The following EXOC7 variants were observed in gnomAD, a reference collection of about 807,000 sequenced individuals.
The protein encoded by EXOC7 is exocyst complex component 7, also known as exocyst complex component Exo70.
A neutral mutation model predicts 87.6 loss-of-function variants in EXOC7; 51 were observed. That is an observed-to-expected ratio of 0.58 (90% CI 0.46 to 0.73). The LOEUF is 0.73. Ranked by LOEUF, EXOC7 falls within the 30% of genes least tolerant of loss-of-function variation. The probability of loss-of-function intolerance (pLI) is 0.00; values close to 1 mark genes in which losing one functional copy is unlikely to be tolerated. For missense variants in EXOC7, 744 were observed against 888.4 expected, an observed-to-expected ratio of 0.84 and a Z score of 2.07; for synonymous variants, 327 against 357.1, an observed-to-expected ratio of 0.92 and a Z score of 0.95.
intron 5 of EXOC7, among the ~76,000 whole-genome samples, chr17:76,095,198 A>G (rs971847943): frequency 1.3e-5 from 2 of 150,066 alleles, no homozygotes; most frequent in Admixed American, 1.3e-4. Context: ...CTGACCTCAA[A>G]TGATTCACCA....
chr17:76,087,979 C>T (rs1470646241), intron 11 of EXOC7, 81 bp downstream of exon 11: 25 of 1,512,522 alleles, frequency 1.7e-5, no homozygotes, highest in Non-Finnish European at 2.1e-5. Flanking sequence ...GAGTCCCTTC[C>T]ACCAGTACTC....
At chr17:76,102,337 G>T (rs551864788) in intron 2 of EXOC7, among the ~76,000 whole-genome samples, 2 of 152,258 alleles carry the variant, frequency 1.3e-5, no homozygotes, top group South Asian at 4.1e-4. Flanking sequence ...GAATTTGGGA[G>T]GCTGAGGCGG....
intron 14 of EXOC7, 25 bp from the exon 15 acceptor site, chr17:76,085,434 AGAG>A (rs1488044277): frequency 6.3e-7 from 1 of 1,594,506 alleles, no homozygotes; most frequent in South Asian, 1.1e-5. Flanking sequence ...GGGACAGAGG[AGAG>A]GAGGACAGGA....
rs747010295 is a variant in EXOC7, at chr17:76,085,351, C to T, written c.1675G>A (p.Glu559Lys). The T allele has an allele frequency of 1.2e-6, 2 of 1,609,278 alleles. No individual in the cohort carries two copies. The highest frequency in any genetic ancestry group is 2.2e-5 in the East Asian group (1 of 44,782). ...TQKTAERSYR[E>K]HIEQQIQTYQ... ...GTCTGGATCTGCTGCTCAATGTGCT[C>T]CCGGTAGGAGCGCTCAGCAGTCTTC... Residue 559 changes from glutamate (E) to lysine (K), a missense_variant, in exon 15 of 19, where the codon GAG becomes AAG. This residue lies in a region of EXOC7 where 228 missense variants were observed against 298.6 expected (regional missense o/e 0.76). Transcript: ENST00000589210.
At chr17:76,085,919 A>G in intron 13 of EXOC7, 122 bp from the exon 14 acceptor site, 1 of 1,522,762 alleles carries the variant, frequency 6.6e-7, no homozygotes, top group Non-Finnish European at 8.9e-7. Context: ...GCCTTAGCCC[A>G]ACTCCCCTCA....
intron 4 of EXOC7, among the ~76,000 whole-genome samples, chr17:76,100,779 G>C (rs181304423): frequency 2.3e-4 from 35 of 152,240 alleles, no homozygotes; most frequent in Admixed American, 5.2e-4. Context: ...TCAGGAGTTC[G>C]AGACCAGTCT....
chr17:76,097,899 A>T lies in EXOC7; in HGVS notation c.537T>A (p.Asp179Glu). 1 of 1,613,912 alleles carries T rather than the reference A, an allele frequency of 6.2e-7. No homozygotes were observed. The change falls in exon 5 of 19, where the codon GAT becomes GAA. Residue 179 changes from aspartate (D) to glutamate (E), a missense_variant. Physicochemically the swap from Asp to Glu is conservative, Grantham distance 45. Around this residue, in one of 3 missense-constraint regions of EXOC7, gnomAD observed 512 missense variants for 573.0 expected, o/e 0.89. Transcript: ENST00000589210. ...LILDLISGDD[D>E]LEAQEDVTLE... ...GGGTCACGTCCTCCTGGGCCTCCAG[A>T]TCATCGTCACCACTGATCAGATCCA...
Position 76,084,231 on chromosome 17 carries a change from A to T in EXOC7, c.1818+17T>A, listed in dbSNP as rs772565117. On this transcript the variant is annotated intron_variant, in intron 17 of 18. Coordinates refer to ENST00000589210, the MANE Select transcript of EXOC7 (RefSeq NM_001013839.4). The stretch of plus-strand genomic sequence containing the variant: ...ACAGCAGCAGCAAGCAGTGGAGGGG[A>T]GAGGACCCCGACTCACCTTAAAACG... 2.5e-6 allele frequency: 4 copies of T among 1,610,124 alleles called. No individual in the cohort carries two copies. In the Middle Eastern group the frequency reaches 5.0e-4, roughly 200 times the overall value.
Position 76,081,774 on chromosome 17 carries a change from C to A in EXOC7, c.*1874G>T. The A allele has an allele frequency of 6.2e-7, 1 of 1,613,920 alleles. No individual in the cohort carries two copies. Among genetic ancestry groups the A allele is most frequent in the Non-Finnish European group, 8.5e-7 (1 of 1,179,884 alleles). ...CTGCTCAGTAAGCCCTGCTCCCTTA[C>A]CCAGTCTGCCCTGTTTCTCCCCGGT... On this transcript the variant is annotated 3_prime_UTR_variant, in exon 19 of 19. Transcript: ENST00000589210.
chr17:76,100,884 G>A (rs1400377994), intron 4 of EXOC7: 1 of 153,234 alleles, frequency 6.5e-6, no homozygotes, highest in Non-Finnish European at 1.4e-5. Context: ...GGGAGGCTGA[G>A]GTGGGAGAAT....
rs139735832 is a variant in EXOC7, at chr17:76,089,046, G to A, written c.1048-123C>T. 7,145 of 1,483,332 alleles carry A rather than the reference G, an allele frequency of 4.8e-3. 45 individuals are homozygous for A. The highest frequency in any genetic ancestry group is 0.023 in the Middle Eastern group (117 of 5,122). The allele number at this position is 1,483,332 out of a possible 1,614,324, so 91.9% of individuals were successfully genotyped here. On this transcript the variant is annotated intron_variant, in intron 8 of 18. Coordinates refer to ENST00000589210, the MANE Select transcript of EXOC7 (RefSeq NM_001013839.4). The stretch of plus-strand genomic sequence containing the variant: ...CAGGAAGAGGGGTGACGGGGAGGTG[G>A]TGAGCGTCCACCCAGGACCGGTCCC...
In EXOC7 at chr17:76,085,429, AGAG is replaced by A; in HGVS notation, c.1617-23_1617-21del. The A allele has an allele frequency of 1.3e-6, 2 of 1,598,566 alleles. No individual in the cohort carries two copies. Among genetic ancestry groups the A allele is most frequent in the Non-Finnish European group, 1.7e-6 (2 of 1,173,638 alleles). On this transcript the variant is annotated intron_variant, in intron 14 of 18. Coordinates refer to ENST00000589210, the MANE Select transcript of EXOC7 (RefSeq NM_001013839.4). ...TCAGACCTGGGTCGGGGTAGGGGAC[AGAG>A]GAGAGGAGGACAGGATTGGCTCCTC...
intron 4 of EXOC7, among the ~76,000 whole-genome samples, chr17:76,100,288 A>G (rs925766383): frequency 2.0e-4 from 30 of 152,126 alleles, no homozygotes; most frequent in African/African-American, 7.0e-4. Flanking sequence ...TGATGGCTAC[A>G]TAACATTGTG....
intron 2 of EXOC7, 131 bp downstream of exon 2, chr17:76,103,230 T>G: frequency 1.3e-6 from 1 of 795,660 alleles, no homozygotes; most frequent in East Asian, 2.7e-5. Context: ...TGTTGCTAGA[T>G]AAACCCACAC....
At position 76,089,357 on chromosome 17, in the gene EXOC7, G is replaced by A. The variant is rs111311800; in HGVS notation, c.902-37C>T. The A allele has an allele frequency of 1.7e-4, 267 of 1,607,694 alleles. 3 individuals carry two copies. The African/African-American group carries it at 3.0e-3, about 18-fold the overall frequency. ...CACAACTCTTGAGCTGCTGGTCTGG[G>A]GCCAGCCACACTCCTGGCTGGGGGC... is the stretch of plus-strand genomic sequence containing the variant. On this transcript the variant is annotated intron_variant, in intron 7 of 18. Transcript: ENST00000589210.
intron 6 of EXOC7, 21 bp downstream of exon 6, chr17:76,094,393 T>C (rs1288176185): frequency 6.2e-7 from 1 of 1,604,606 alleles, no homozygotes; most frequent in Non-Finnish European, 8.5e-7. Flanking sequence ...GTTGCAGAGA[T>C]GGGCCAGGAT....
At chr17:76,084,759 T>G (rs1465180559) in intron 15 of EXOC7, 179 bp from the exon 16 acceptor site, 1 of 607,872 alleles carries the variant, frequency 1.6e-6, no homozygotes, top group East Asian at 2.8e-5. Context: ...ACTGGTCACT[T>G]TTTGAGATAA....
In EXOC7 at chr17:76,089,366, C is replaced by T. The variant is rs375045917; in HGVS notation, c.902-46G>A. The T allele has an allele frequency of 3.5e-5, 56 of 1,605,192 alleles. No individual in the cohort carries two copies. The African/African-American group carries it at 7.2e-4, about 21-fold the overall frequency. ...TGAGCTGCTGGTCTGGGGCCAGCCA[C>T]ACTCCTGGCTGGGGGCGGCGTGGGT... On this transcript the variant is annotated intron_variant, in intron 7 of 18. Transcript: ENST00000589210.
At chr17:76,084,832 A>C in intron 15 of EXOC7, 1 of 544,266 alleles carries the variant, frequency 1.8e-6, no homozygotes, top group South Asian at 2.3e-5. Context: ...CTTCACATCA[A>C]TATCGTGGCA....
Sources: gnomAD v4.1 joint callset for allele counts (sites outside exome capture counted in the v4.1 genomes callset) on GRCh38, gnomAD v4.1.1 for gene constraint, gnomAD v4.1.1 regional missense constraint, MANE v1.5 for transcripts, NCBI Gene and HGNC (gene_info 2026-07-23, HGNC 2026-07-21) for gene names.